CIB2: variants seen among roughly 807,000 people sequenced by gnomAD.
CIB2 encodes the protein calcium and integrin-binding family member 2.
In CIB2, 19 loss-of-function variants were observed where a neutral mutation model predicts 23.1. That is an observed-to-expected ratio of 0.82 (90% confidence interval 0.57 to 1.21). The LOEUF (loss-of-function observed/expected upper bound fraction) is 1.21. Among genes scored for constraint, CIB2 ranks in the 50% most tolerant of loss-of-function variants. The probability of loss-of-function intolerance (pLI) is 0.00; values close to 1 mark genes in which losing one functional copy is unlikely to be tolerated. For missense variants in CIB2, 220 were observed against 241.5 expected (o/e 0.91, Z 0.59); for synonymous variants, 94 against 91.7 (o/e 1.03, Z -0.14).
chr15:78,110,503 G>T (rs1057418556), intron 3 of CIB2, among the ~76,000 whole-genome samples: 7 of 152,224 alleles, frequency 4.6e-5, no homozygotes, highest in Admixed American at 1.3e-4. Flanking sequence ...CCCAGGCCTG[G>T]CAAGGGGCTA....
At position 78,108,754 on chromosome 15, in the gene CIB2, G is replaced by A. The variant is rs578002567; in HGVS notation, c.346+481C>T. The stretch of plus-strand genomic sequence containing the variant: ...CTGGAAACCTTGCAGTGGCCCTGGT[G>A]TCTGGATCACTAGGTCCAAACTCTG... On this transcript the variant is annotated intron_variant, in intron 4 of 5. Coordinates refer to ENST00000258930, the MANE Select transcript of CIB2 (RefSeq NM_006383.4). 2.0e-5 allele frequency among the ~76,000 whole-genome samples: 3 copies of A among 152,332 alleles called. No homozygotes were observed. In the East Asian group the frequency reaches 5.8e-4, roughly 29 times the overall value.
intron 4 of CIB2, 28 bp downstream of exon 4, chr15:78,109,202 CATATT>C: frequency 3.4e-5 from 30 of 878,794 alleles, no homozygotes; most frequent in South Asian, 1.6e-4. Flanking sequence ...TCCCCCACCG[CATATT>C]CAGGCCCCCT....
At chr15:78,120,737 G>T (rs771007415) in intron 2 of CIB2, 514 of 985,476 alleles carry the variant, frequency 5.2e-4, no homozygotes, top group Non-Finnish European at 6.0e-4. Flanking sequence ...CCCCAAAGTT[G>T]CCACAGAGCT....
chr15:78,120,304 A>AT (rs1433449323), intron 2 of CIB2, among the ~76,000 whole-genome samples: 3 of 152,030 alleles, frequency 2.0e-5, no homozygotes, highest in Non-Finnish European at 4.4e-5. Flanking sequence ...CTTACAGGTA[A>AT]TTTTTTTTGT....
At chr15:78,129,741 C>G (rs139623841) in intron 1 of CIB2, among the ~76,000 whole-genome samples, 5 of 152,278 alleles carry the variant, frequency 3.3e-5, no homozygotes, top group African/African-American at 9.6e-5. Context: ...CATGGCCCAG[C>G]CCAGCCCACT....
intron 2 of CIB2, among the ~76,000 whole-genome samples, chr15:78,113,617 G>A (rs1055037960): frequency 9.3e-5 from 14 of 150,934 alleles, no homozygotes; most frequent in Admixed American, 8.6e-4. Flanking sequence ...TGCAAGCTCC[G>A]CCTCCCGGGT....
At chr15:78,111,115 G>C in intron 3 of CIB2, 50 bp downstream of exon 3, 1 of 1,529,326 alleles carries the variant, frequency 6.5e-7, no homozygotes, top group Admixed American at 1.7e-5. Context: ...CTCTGCTGCT[G>C]GTCCAGAGGC....
At chr15:78,117,283 T>TAAAAAAAAAAA (rs1265422874) in intron 2 of CIB2, among the ~76,000 whole-genome samples, 10 of 133,500 alleles carry the variant, frequency 7.5e-5, no homozygotes, top group East Asian at 2.2e-4. Context: ...AAAGTTTGTT[T>TAAAAAAAAAAA]AAAAGAATAA....
Position 78,131,129 on chromosome 15 carries a change from G to T in CIB2, c.51+36C>A. The T allele has an allele frequency of 6.5e-7, 1 of 1,545,336 alleles. No individual in the cohort carries two copies. ...GAAAAGGGAGGGGCGGCGGGGCGGC[G>T]GGGCCTGTGTTGGGGGCCGGGCGCG... On this transcript the variant is annotated intron_variant, in intron 1 of 5. Coordinates refer to ENST00000258930, the MANE Select transcript of CIB2 (RefSeq NM_006383.4). This position sits in a 1 kb window ranked among gnomAD's most constrained non-coding sequence, Gnocchi z 5.8.
intron 4 of CIB2, among the ~76,000 whole-genome samples, chr15:78,107,583 AC>A (rs1382262143): frequency 1.3e-5 from 2 of 151,418 alleles, no homozygotes; most frequent in East Asian, 1.9e-4. Flanking sequence ...TCCCCACTCC[AC>A]CCCCAGCCTA....
At chr15:78,110,882 AACT>A in intron 3 of CIB2, 1 of 325,230 alleles carries the variant, frequency 3.1e-6, no homozygotes, top group Non-Finnish European at 6.6e-6. Context: ...CAGGTCTGCC[AACT>A]ACAGCAGGCT....
intron 2 of CIB2, chr15:78,120,783 G>A: frequency 2.1e-6 from 2 of 975,048 alleles, no homozygotes; most frequent in South Asian, 4.7e-5. Context: ...TCCTGCTCAA[G>A]TTTCCTCCTA....
chr15:78,115,080 G>A (rs1203951149), intron 2 of CIB2, among the ~76,000 whole-genome samples: 1 of 152,136 alleles, frequency 6.6e-6, no homozygotes, highest in Non-Finnish European at 1.5e-5. Context: ...CAATTTGATA[G>A]ATGCATTTAT....
chr15:78,122,600 T>C (rs889049378), intron 2 of CIB2, among the ~76,000 whole-genome samples: 2 of 152,230 alleles, frequency 1.3e-5, no homozygotes, highest in Non-Finnish European at 2.9e-5. Context: ...ACCCCAGTGT[T>C]GCTGCCTCTC....
Position 78,131,279 on chromosome 15 carries a change from G to A in CIB2, c.-64C>T. On this transcript the variant is annotated 5_prime_UTR_variant, in exon 1 of 6. Coordinates refer to ENST00000258930, the MANE Select transcript of CIB2 (RefSeq NM_006383.4). This position sits in a 1 kb window ranked among gnomAD's most constrained non-coding sequence, Gnocchi z 5.8. ...ACTCCCATCAGCGGCCGCCAGACCCGGAGCCAGCGCCCCGTGCCCGCGGCC... is the reference window on the plus strand; with the variant it reads ...ACTCCCATCAGCGGCCGCCAGACCCAGAGCCAGCGCCCCGTGCCCGCGGCC... 4.0e-6 allele frequency: 5 copies of A among 1,262,910 alleles called. No homozygotes were observed. The highest frequency in any genetic ancestry group is 2.2e-4 in the Middle Eastern group (1 of 4,648). 78.2% of individuals were successfully genotyped at this position (1,262,910 alleles called of 1,614,324 possible).
In CIB2 at chr15:78,124,868, C is replaced by T. The variant is rs188467283; in HGVS notation, c.52-1129G>A. On this transcript the variant is annotated intron_variant, in intron 1 of 5. Coordinates refer to ENST00000258930, the MANE Select transcript of CIB2 (RefSeq NM_006383.4). ...GCTGGACATCAGGGCAATTGGATTG[C>T]GTGTTAAGAGGCCCAAAGAGAGGAC... is the stretch of plus-strand genomic sequence containing the variant. 3.9e-5 allele frequency among the ~76,000 whole-genome samples: 6 copies of T among 152,172 alleles called. No individual in the cohort carries two copies. In the South Asian group the frequency reaches 1.0e-3, roughly 26 times the overall value.
chr15:78,108,799 G>A (rs1235053695), intron 4 of CIB2, among the ~76,000 whole-genome samples: 1 of 152,188 alleles, frequency 6.6e-6, no homozygotes, highest in East Asian at 1.9e-4. Context: ...CCCACAGCCT[G>A]GCCCCAGATT....
Position 78,104,920 on chromosome 15 carries a change from C to A in CIB2, c.*391G>T. On this transcript the variant is annotated 3_prime_UTR_variant, in exon 6 of 6. Transcript: ENST00000258930. This position sits in a 1 kb window ranked among gnomAD's most constrained non-coding sequence, Gnocchi z 4.4. ...AAACCCTGACCTCTTTTTTTTTTTT[C>A]CGCTCTGTCCTGGGTGACCAGGGTG... 1 of 178,068 alleles carries A rather than the reference C, an allele frequency of 5.6e-6. No homozygotes were observed. 11.0% of individuals were successfully genotyped at this position (178,068 alleles called of 1,614,324 possible).
At chr15:78,108,073 G>A (rs1475479411) in intron 4 of CIB2, among the ~76,000 whole-genome samples, 1 of 151,858 alleles carries the variant, frequency 6.6e-6, no homozygotes, top group Non-Finnish European at 1.5e-5. Flanking sequence ...TCAGGAGGCT[G>A]AGGCAGGAGA....
Sources: allele counts gnomAD v4.1 joint callset (sites outside exome capture counted in the v4.1 genomes callset), GRCh38; gene constraint gnomAD v4.1.1; non-coding constraint Gnocchi (gnomAD v3.1); transcripts MANE v1.5; gene names NCBI Gene and HGNC (gene_info 2026-07-23, HGNC 2026-07-21).